Variants in FHAD1 observed in about 807,000 individuals in gnomAD.
FHAD1 encodes forkhead associated phosphopeptide binding domain 1.
FHAD1 carries 146 observed loss-of-function variants against 191.3 expected under a neutral mutation model. The observed-to-expected ratio is 0.76, with a 90% CI of 0.67 to 0.88. The LOEUF is 0.88. FHAD1 is among the 40% of genes least tolerant of loss of function. The pLI is 0.00. For synonymous variants in FHAD1, 616 were observed against 672.3 expected, an observed-to-expected ratio of 0.92 and a Z score of 1.29; for missense variants, 1,635 against 1,785.8, an observed-to-expected ratio of 0.92 and a Z score of 1.52.
rs922991460 is a variant in FHAD1 at position 15,362,710 on chromosome 1, G to A, written c.3031G>A (p.Ala1011Thr). 1 of 1,551,734 alleles carries A rather than the reference G, an allele frequency of 6.4e-7. No individual in the cohort carries two copies. Among genetic ancestry groups the A allele is most frequent in the East Asian group, 2.4e-5 (1 of 40,924 alleles). ...GACAGAGAGCAGTGCCAAAGACATG[G>A]CGTACGAACATCTGATGTGAGTACC... ...PMTESSAKDMAYEHLIDDLLA... is the reference protein window; with the variant it reads ...PMTESSAKDMTYEHLIDDLLA... Residue 1011 changes from alanine to threonine, a missense_variant, in exon 23 of 34, where the codon GCG becomes ACG. By Grantham distance (58) the Ala-to-Thr change is moderately conservative (BLOSUM62 0). Coordinates refer to ENST00000688493, the MANE Select transcript of FHAD1 (RefSeq NM_001391957.1).
At chr1:15,393,982 G>A (rs1705095724) in intron 33 of FHAD1, among the ~76,000 whole-genome samples, 1 of 152,030 alleles carries the variant, frequency 6.6e-6, no homozygotes, top group Non-Finnish European at 1.5e-5. Flanking sequence ...CTAGAGCCGA[G>A]GCTTGCAGTT....
chr1:15,290,875 A>AT (rs1278398337), intron 4 of FHAD1, among the ~76,000 whole-genome samples: 1 of 151,544 alleles, frequency 6.6e-6, no homozygotes, highest in Non-Finnish European at 1.5e-5. Context: ...TACCCGGCTA[A>AT]TTTTTTGTTT....
chr1:15,303,315 A>G (rs1007497038), intron 6 of FHAD1, among the ~76,000 whole-genome samples: 1 of 152,210 alleles, frequency 6.6e-6, no homozygotes, highest in Non-Finnish European at 1.5e-5. Context: ...ACATGTCTCT[A>G]ACTCCTTGAG....
intron 20 of FHAD1, among the ~76,000 whole-genome samples, chr1:15,355,831 G>A (rs544090959): frequency 1.3e-3 from 190 of 151,776 alleles, no homozygotes; most frequent in African/African-American, 4.4e-3. Flanking sequence ...CCCAGGCAAG[G>A]CTTGCAGGAA....
intron 1 of FHAD1, among the ~76,000 whole-genome samples, chr1:15,250,072 G>A (rs1036992223): frequency 6.6e-6 from 1 of 152,170 alleles, no homozygotes; most frequent in Non-Finnish European, 1.5e-5. Flanking sequence ...ATGATGAAAA[G>A]CAGAGCCAGC....
Position 15,316,446 on chromosome 1 carries a change from A to G in FHAD1, c.1239A>G (p.Lys413=), listed in dbSNP as rs1418960615. ...AHRELREAQE[K]ELKLCKTQIQ... ...GGGAGCTCAGGGAAGCCCAGGAGAA[A>G]GAGTTAAAACTCTGCAAAACCGTGA... Residue 413 remains lysine (K), a synonymous_variant, in exon 9 of 34, where the codon AAA becomes AAG. Transcript: ENST00000688493. The surrounding 1 kb of genome is among the most constrained non-coding windows in gnomAD (Gnocchi z 4.3). 1.3e-6 allele frequency: 2 copies of G among 1,551,716 alleles called. No homozygotes were observed. Among genetic ancestry groups the G allele is most frequent in the Non-Finnish European group, 1.7e-6 (2 of 1,146,998 alleles).
At chr1:15,240,136 C>G (rs1266553939) in intron 1 of FHAD1, among the ~76,000 whole-genome samples, 1 of 152,184 alleles carries the variant, frequency 6.6e-6, no homozygotes, top group Non-Finnish European at 1.5e-5. Context: ...TTCCATCTCT[C>G]TATTGAGAGT....
At position 15,382,134 on chromosome 1, in the gene FHAD1, C is replaced by A. The variant is rs115203564; in HGVS notation, c.4129C>A (p.Arg1377Ser). The change falls in exon 31 of 34, where the codon CGC (arginine) becomes AGC (serine). Residue 1377 changes from arginine (R) to serine (S), a missense_variant. Physicochemically the swap from Arg to Ser is moderately radical, Grantham distance 110. Coordinates refer to ENST00000688493, the MANE Select transcript of FHAD1 (RefSeq NM_001391957.1). ...GGCCCTGCTGAAGGAGGCCCTGGAG[C>A]GCATGGAGCACCAGCTGTGCCAGGA... is the stretch of plus-strand genomic sequence containing the variant. The part of the protein sequence containing the change: ...EKALLKEALE[R>S]MEHQLCQEKR... The A allele has an allele frequency of 1.3e-6, 2 of 1,552,040 alleles. No individual in the cohort carries two copies. Among genetic ancestry groups the A allele is most frequent in the African/African-American group, 1.4e-5 (1 of 73,142 alleles).
In FHAD1 at chr1:15,381,438, G is replaced by A. The variant is rs1356674755; in HGVS notation, c.4009G>A (p.Val1337Ile). 6 of 1,551,226 alleles carry A rather than the reference G, an allele frequency of 3.9e-6. No homozygotes were observed. Among genetic ancestry groups the A allele is most frequent in the East Asian group, 2.4e-5 (1 of 40,918 alleles). ...GCTGTTGAGAGGATATGAAAAGGACGTTGAACAGCTCAGGTACCTCGGCAC... is the reference window on the plus strand; with the variant it reads ...GCTGTTGAGAGGATATGAAAAGGACATTGAACAGCTCAGGTACCTCGGCAC... ...EELLRGYEKD[V>I]EQLRRSKVSI... Residue 1337 changes from valine (V) to isoleucine (I), a missense_variant, in exon 30 of 34, where the codon GTT becomes ATT. Val to Ile is a conservative substitution (Grantham distance 29). Coordinates refer to ENST00000688493, the MANE Select transcript of FHAD1 (RefSeq NM_001391957.1). This position sits in a 1 kb window ranked among gnomAD's most constrained non-coding sequence, Gnocchi z 4.6.
intron 21 of FHAD1, among the ~76,000 whole-genome samples, chr1:15,359,653 G>A (rs1056072833): frequency 3.3e-5 from 5 of 151,944 alleles, no homozygotes; most frequent in Non-Finnish European, 5.9e-5. Flanking sequence ...TTTGAGACCA[G>A]CCTGGCCAAC....
chr1:15,369,980 A>T (rs1697621859), intron 26 of FHAD1, among the ~76,000 whole-genome samples: 1 of 152,132 alleles, frequency 6.6e-6, no homozygotes. Flanking sequence ...TTATTCATTC[A>T]TTCATTTATT....
intron 14 of FHAD1, chr1:15,334,794 T>C (rs1683313329): frequency 6.6e-6 from 1 of 152,258 alleles, no homozygotes; most frequent in South Asian, 2.1e-4. Flanking sequence ...GGTAACATCC[T>C]CTGGAGCCTC....
At chr1:15,322,781 G>C (rs1367656069) in intron 10 of FHAD1, among the ~76,000 whole-genome samples, 1 of 152,180 alleles carries the variant, frequency 6.6e-6, no homozygotes, top group Non-Finnish European at 1.5e-5. Context: ...ATAAATTAGA[G>C]GCAAGGAGGC....
Position 15,272,494 on chromosome 1 carries a change from C to G in FHAD1, c.265C>G (p.Leu89Val). 6.4e-7 allele frequency: 1 copy of G among 1,550,466 alleles called. No homozygotes were observed. Among genetic ancestry groups the G allele is most frequent in the Non-Finnish European group, 8.7e-7 (1 of 1,146,970 alleles). ...CATCCTGAGATTTGGGTCTGCAGGGCTGACCTATGAACTGGTCATTGAAAA... is the reference window on the plus strand; with the variant it reads ...CATCCTGAGATTTGGGTCTGCAGGGGTGACCTATGAACTGGTCATTGAAAA... ...GDILRFGSAGLTYELVIENPP... is the reference protein window; with the variant it reads ...GDILRFGSAGVTYELVIENPP... The change falls in exon 3 of 34, where the codon CTG (leucine) becomes GTG (valine). Residue 89 changes from leucine (L) to valine (V), a missense_variant. By Grantham distance (32) the Leu-to-Val change is conservative. Coordinates refer to ENST00000688493, the MANE Select transcript of FHAD1 (RefSeq NM_001391957.1).
chr1:15,294,795 C>T (rs1666373028), intron 4 of FHAD1, among the ~76,000 whole-genome samples: 1 of 151,994 alleles, frequency 6.6e-6, no homozygotes, highest in South Asian at 2.1e-4. Flanking sequence ...AAAATTGTCC[C>T]CAGATGTTAC....
chr1:15,279,086 C>T (rs1022874580), intron 3 of FHAD1, among the ~76,000 whole-genome samples: 8 of 152,050 alleles, frequency 5.3e-5, no homozygotes, highest in Non-Finnish European at 1.2e-4. Context: ...TGGTTGGTTC[C>T]TTGGTCTTAA....
rs369749537 is a variant in FHAD1 at position 15,339,613 on chromosome 1, G to C, written c.1977+62G>C. 4.0e-6 allele frequency: 3 copies of C among 756,140 alleles called. No homozygotes were observed. The African/African-American group carries it at 5.6e-5, about 14-fold the overall frequency. The allele number at this position is 756,140 out of a possible 1,614,324, so 46.8% of individuals were successfully genotyped here. On this transcript the variant is annotated intron_variant, in intron 15 of 33. Coordinates refer to ENST00000688493, the MANE Select transcript of FHAD1 (RefSeq NM_001391957.1). ...TCGGCCCCTGGTTGGCATTTATATA[G>C]CACTGTGCATTTGAAACCTGTTTTT...
intron 8 of FHAD1, among the ~76,000 whole-genome samples, chr1:15,313,764 A>C (rs1673034846): frequency 6.6e-6 from 1 of 152,116 alleles, no homozygotes; most frequent in East Asian, 1.9e-4. Flanking sequence ...AGGCAAGTCA[A>C]GAGCTGTTTA....
intron 7 of FHAD1, among the ~76,000 whole-genome samples, chr1:15,309,582 C>G (rs1370105831): frequency 6.6e-6 from 1 of 152,062 alleles, no homozygotes; most frequent in South Asian, 2.1e-4. Flanking sequence ...AGCCCACGAC[C>G]TGCGGGCCAC....
Sources: allele counts gnomAD v4.1 joint callset (sites outside exome capture counted in the v4.1 genomes callset), GRCh38; gene constraint gnomAD v4.1.1; non-coding constraint Gnocchi (gnomAD v3.1); transcripts MANE v1.5; gene names NCBI Gene and HGNC (gene_info 2026-07-23, HGNC 2026-07-21).